Variants in PRKAR1A observed in about 807,000 individuals in gnomAD.
PRKAR1A encodes cAMP-dependent protein kinase type I-alpha regulatory subunit.
In PRKAR1A, 3 loss-of-function variants were observed where a neutral mutation model predicts 52.0. The observed-to-expected ratio is 0.06, with a 90% confidence interval of 0.03 to 0.15. The LOEUF is 0.15. PRKAR1A is among the 10% of genes least tolerant of loss of function. PRKAR1A has a pLI of 1.00. For missense variants in PRKAR1A, 240 were observed against 477.4 expected, an observed-to-expected ratio of 0.50 and a Z score of 4.63; for synonymous variants, 188 against 168.4, an observed-to-expected ratio of 1.12 and a Z score of -0.90.
At chr17:68,485,993 C>A in the PRKAR1A span, among the ~76,000 whole-genome samples, 1 of 152,152 alleles carries the variant, frequency 6.6e-6, no homozygotes, top group Non-Finnish European at 1.5e-5. Flanking sequence ...CCCGCCTCAG[C>A]CTCCTAAAGT....
At chr17:68,504,981 A>T in the PRKAR1A span, among the ~76,000 whole-genome samples, 1 of 152,184 alleles carries the variant, frequency 6.6e-6, no homozygotes, top group African/African-American at 2.4e-5. Context: ...AATAGAGAGA[A>T]AAACATAGGG....
At chr17:68,468,163 G>T in the PRKAR1A span, among the ~76,000 whole-genome samples, 3 of 152,170 alleles carry the variant, frequency 2.0e-5, no homozygotes, top group African/African-American at 7.2e-5. Context: ...CAATCATGCA[G>T]ATGATACAGA....
intron 11 of PRKAR1A, among the ~76,000 whole-genome samples, chr17:68,549,204 A>G (rs2952314): frequency 0.22 from 33,027 of 152,086 alleles, 4,036 homozygotes; most frequent in African/African-American, 0.33. Flanking sequence ...TAAAAAATGA[A>G]AGGCATCCGG....
the PRKAR1A span, among the ~76,000 whole-genome samples, chr17:68,486,493 CCTTCCTTCCTTCCTTCTT>C: frequency 2.1e-5 from 1 of 48,390 alleles, no homozygotes; most frequent in South Asian, 7.5e-4. Flanking sequence ...TTCCTTCCTT[CCTTCCTTCCTTCCTTCTT>C]TCTTTCTTTC....
chr17:68,457,502 G>C, the PRKAR1A span: 2 of 1,221,640 alleles, frequency 1.6e-6, no homozygotes, highest in South Asian at 2.1e-5. Flanking sequence ...TCCACGGGCC[G>C]GGTCGCCGGT....
the PRKAR1A span, among the ~76,000 whole-genome samples, chr17:68,464,216 G>A: frequency 6.6e-6 from 1 of 152,146 alleles, no homozygotes; most frequent in South Asian, 2.1e-4. Flanking sequence ...AGACCCACTC[G>A]ATTTCTCCAC....
At chr17:68,510,159 CAGAGAGAGAGAG>C (rs35144524), upstream of PRKAR1A, among the ~76,000 whole-genome samples, 8 of 127,520 alleles carry the variant, frequency 6.3e-5, no homozygotes, top group South Asian at 5.4e-4. Flanking sequence ...TATATGTAGA[CAGAGAGAGAGAG>C]AGAGAGAGAG....
In PRKAR1A at chr17:68,530,494, C is replaced by G. The variant is rs1271209848; in HGVS notation, c.*45C>G. 2 of 1,613,756 alleles carry G rather than the reference C, an allele frequency of 1.2e-6. No homozygotes were observed. Among genetic ancestry groups the G allele is most frequent in the Middle Eastern group, 1.6e-4 (1 of 6,084 alleles). On this transcript the variant is annotated 3_prime_UTR_variant, in exon 11 of 11. Coordinates refer to ENST00000589228, the MANE Select transcript of PRKAR1A (RefSeq NM_002734.5). ...CCTTTTCTCCTCTCCCCAATCCATG[C>G]TTCACTCATGCAAACTGCTTTATTT...
chr17:68,536,493 A>C (rs763052457), downstream of PRKAR1A: 1 of 454,148 alleles, frequency 2.2e-6, no homozygotes, highest in Non-Finnish European at 4.4e-6. Flanking sequence ...GGAGGCTTCA[A>C]TAAAAAACCT....
chr17:68,544,937 G>A (rs2086478685), intron 11 of PRKAR1A, among the ~76,000 whole-genome samples: 1 of 152,146 alleles, frequency 6.6e-6, no homozygotes, highest in South Asian at 2.1e-4. Flanking sequence ...CTTTAGATCA[G>A]TGCTTCTCAT....
At chr17:68,464,700 A>C in the PRKAR1A span, among the ~76,000 whole-genome samples, 31 of 23,066 alleles carry the variant, frequency 1.3e-3, no homozygotes, top group African/African-American at 0.01. Flanking sequence ...AAAAAAAAAC[A>C]AAAAAAACAA....
At chr17:68,437,012 A>ATGTGTGTGTGTG in the PRKAR1A span, among the ~76,000 whole-genome samples, 701 of 82,008 alleles carry the variant, frequency 8.5e-3, 7 homozygotes, top group African/African-American at 0.031. Flanking sequence ...AAAAATATAT[A>ATGTGTGTGTGTG]TATATGTGTG....
At chr17:68,454,907 G>C in the PRKAR1A span, among the ~76,000 whole-genome samples, 1 of 144,068 alleles carries the variant, frequency 6.9e-6, no homozygotes, top group Non-Finnish European at 1.6e-5. Flanking sequence ...TTTATGTGAT[G>C]TTTTACGTGA....
At chr17:68,433,970 A>T in the PRKAR1A span, among the ~76,000 whole-genome samples, 10 of 151,714 alleles carry the variant, frequency 6.6e-5, no homozygotes, top group African/African-American at 2.4e-4. Context: ...TTTAGTAGAG[A>T]CGGTGTTTCA....
At chr17:68,431,711 C>G in the PRKAR1A span, among the ~76,000 whole-genome samples, 1 of 8,392 alleles carries the variant, frequency 1.2e-4, no homozygotes, top group Non-Finnish European at 2.5e-4. Context: ...GCCAGCGAAG[C>G]AGGGCTGAAG....
chr17:68,533,383 T>C lies in PRKAR1A; in HGVS notation c.*2934T>C, dbSNP rs573880986. ...ATTCAGTAATCCCTTCCCCCCGTCCTCTGGAGTATGAAACCTTTAGAGTCA... is the reference window on the plus strand; with the variant it reads ...ATTCAGTAATCCCTTCCCCCCGTCCCCTGGAGTATGAAACCTTTAGAGTCA... On this transcript the variant is annotated 3_prime_UTR_variant, in exon 11 of 11. Transcript: ENST00000589228. The C allele has an allele frequency of 2.8e-4, 294 of 1,061,706 alleles. No homozygotes were observed. The South Asian group carries it at 4.6e-3, about 16-fold the overall frequency. 65.8% of individuals were successfully genotyped at this position (1,061,706 alleles called of 1,614,324 possible). A position where few individuals can be genotyped will look rare whatever the true frequency, so the allele number is the denominator to read the frequency against.
At chr17:68,471,936 G>T in the PRKAR1A span, among the ~76,000 whole-genome samples, 1 of 152,108 alleles carries the variant, frequency 6.6e-6, no homozygotes, top group African/African-American at 2.4e-5. Flanking sequence ...GAGTAGCTGG[G>T]ATTACAGGCA....
the PRKAR1A span, among the ~76,000 whole-genome samples, chr17:68,503,962 A>G: frequency 1.2e-4 from 19 of 152,360 alleles, no homozygotes; most frequent in African/African-American, 4.3e-4. Flanking sequence ...TAGTACAACC[A>G]CTAGGAAGAA....
At chr17:68,430,384 G>C in the PRKAR1A span, among the ~76,000 whole-genome samples, 66 of 152,226 alleles carry the variant, frequency 4.3e-4, no homozygotes, top group African/African-American at 1.5e-3. Context: ...TTGTAAAGCT[G>C]TTAAAAGGTT....
Sources: gnomAD v4.1 joint callset for allele counts (sites outside exome capture counted in the v4.1 genomes callset) on GRCh38, gnomAD v4.1.1 for gene constraint, MANE v1.5 for transcripts, NCBI Gene and HGNC (gene_info 2026-07-23, HGNC 2026-07-21) for gene names.